RHOG: variants seen among roughly 807,000 people sequenced by gnomAD.
RHOG encodes the protein rho-related GTP-binding protein RhoG.
In RHOG, 1 loss-of-function variant was observed where a neutral mutation model predicts 12.3. That is an observed-to-expected ratio of 0.08 (90% CI 0.03 to 0.39). RHOG has a LOEUF of 0.39. Among genes scored for constraint, RHOG ranks in the 10% least tolerant of loss-of-function variants. The pLI is 0.99. For missense variants in RHOG, 114 were observed against 266.2 expected, an observed-to-expected ratio of 0.43 and a Z score of 3.98; for synonymous variants, 129 against 116.0, an observed-to-expected ratio of 1.11 and a Z score of -0.72.
At chr11:3,833,361 C>A (rs185425631) in intron 1 of RHOG, among the ~76,000 whole-genome samples, 8 of 152,314 alleles carry the variant, frequency 5.3e-5, no homozygotes, top group Non-Finnish European at 7.4e-5. Context: ...CTCAAGTGAT[C>A]CTCCTGACTA....
At chr11:3,838,406 A>T (rs2090168979) in intron 1 of RHOG, among the ~76,000 whole-genome samples, 1 of 152,180 alleles carries the variant, frequency 6.6e-6, no homozygotes, top group East Asian at 1.9e-4. Context: ...TCAGTTACGC[A>T]GAATACTAAA....
intron 1 of RHOG, among the ~76,000 whole-genome samples, chr11:3,840,017 T>C (rs1022309087): frequency 1.3e-5 from 2 of 151,996 alleles, no homozygotes; most frequent in African/African-American, 4.8e-5. Context: ...GGGTAGAAAC[T>C]AAAGAAGGTG....
intron 1 of RHOG, among the ~76,000 whole-genome samples, chr11:3,829,249 A>ATTTTTTTTTTTTTTT: frequency 1.1e-5 from 1 of 92,724 alleles, no homozygotes; most frequent in Non-Finnish European, 2.5e-5. Flanking sequence ...CAATGGGGAA[A>ATTTTTTTTTTTTTTT]TTTTTTTTTT....
At chr11:3,830,116 T>A (rs1208711046) in intron 1 of RHOG, among the ~76,000 whole-genome samples, 2 of 152,176 alleles carry the variant, frequency 1.3e-5, no homozygotes, top group Non-Finnish European at 2.9e-5. Context: ...GACTTTCCCC[T>A]CAATCTTCTG....
At chr11:3,834,973 C>T (rs1360273796) in intron 1 of RHOG, among the ~76,000 whole-genome samples, 1 of 152,178 alleles carries the variant, frequency 6.6e-6, no homozygotes, top group Non-Finnish European at 1.5e-5. Context: ...TATTCTCTTC[C>T]GTAAAATACA....
At position 3,827,879 on chromosome 11, in the gene RHOG, G is replaced by A; in HGVS notation, c.260C>T (p.Pro87Leu). The A allele has an allele frequency of 3.7e-6, 6 of 1,614,254 alleles. No homozygotes were observed. Among genetic ancestry groups the A allele is most frequent in the Non-Finnish European group, 5.1e-6 (6 of 1,180,046 alleles). The change falls in exon 2 of 2, where the codon CCG becomes CTG. Residue 87 changes from proline to leucine, a missense_variant. By Grantham distance (98) the Pro-to-Leu change is moderately conservative. Around this residue, in one of 2 missense-constraint regions of RHOG, gnomAD observed 53 missense variants for 164.8 expected, o/e 0.32. Transcript: ENST00000351018. This position sits in a 1 kb window ranked among gnomAD's most constrained non-coding sequence, Gnocchi z 7.3. ...GTGCCGCACGTTCTCATAGGACGGC[G>A]GACTGGCAATGGAGAAACAGATGAC... ...VFVICFSIAS[P>L]PSYENVRHKW...
chr11:3,838,344 G>T (rs1307667563), intron 1 of RHOG, among the ~76,000 whole-genome samples: 1 of 152,248 alleles, frequency 6.6e-6, no homozygotes, highest in Non-Finnish European at 1.5e-5. Flanking sequence ...TCACCTGGGA[G>T]AATCCCTGTC....
intron 1 of RHOG, among the ~76,000 whole-genome samples, chr11:3,835,274 C>A (rs1195930279): frequency 6.6e-6 from 1 of 152,160 alleles, no homozygotes; most frequent in Non-Finnish European, 1.5e-5. Flanking sequence ...GGGAGTTCCT[C>A]TTCCTGGAAT....
rs1388458890 is a variant in RHOG, at chr11:3,828,088, C to T, written c.51G>A (p.Thr17=). 3 of 1,614,218 alleles carry T rather than the reference C, an allele frequency of 1.9e-6. No homozygotes were observed. The highest frequency in any genetic ancestry group is 2.2e-5 in the East Asian group (1 of 44,882). The change falls in exon 2 of 2, where the codon ACG becomes ACA. Residue 17 remains threonine, a synonymous_variant. Transcript: ENST00000351018. ...TAGTTGTGTAGCAGATGAGCAGGCA[C>T]GTCTTGCCCACAGCCCCATCACCCA... ...VVVGDGAVGK[T]CLLICYTTNA...
At chr11:3,832,316 G>A (rs2090134643) in intron 1 of RHOG, among the ~76,000 whole-genome samples, 1 of 152,174 alleles carries the variant, frequency 6.6e-6, no homozygotes, top group Non-Finnish European at 1.5e-5. Context: ...GTTAGTGTGG[G>A]AGCCAGAACA....
intron 1 of RHOG, among the ~76,000 whole-genome samples, chr11:3,835,815 G>C (rs113087943): frequency 3.6e-4 from 55 of 152,246 alleles, no homozygotes; most frequent in African/African-American, 1.3e-3. Flanking sequence ...GGCACTGTTG[G>C]AAACACTTCC....
intron 1 of RHOG, among the ~76,000 whole-genome samples, chr11:3,839,905 C>T (rs2090180615): frequency 6.6e-6 from 1 of 151,976 alleles, no homozygotes; most frequent in Non-Finnish European, 1.5e-5. Context: ...CCAAGACGAA[C>T]ATGGGGCAGG....
At chr11:3,836,634 C>G (rs2090158312) in intron 1 of RHOG, among the ~76,000 whole-genome samples, 1 of 151,698 alleles carries the variant, frequency 6.6e-6, no homozygotes, top group East Asian at 1.9e-4. Flanking sequence ...CATGGTGGCT[C>G]ACATCTGTAA....
At chr11:3,834,158 A>G (rs1301076197) in intron 1 of RHOG, among the ~76,000 whole-genome samples, 1 of 152,182 alleles carries the variant, frequency 6.6e-6, no homozygotes, top group Non-Finnish European at 1.5e-5. Context: ...CCTGGCCTCA[A>G]GTGATCCACC....
chr11:3,836,901 TCAAAA>T (rs2090160719), intron 1 of RHOG, among the ~76,000 whole-genome samples: 1 of 28,320 alleles, frequency 3.5e-5, no homozygotes, highest in African/African-American at 2.4e-4. Context: ...AGACTCCATC[TCAAAA>T]AAAAAAAAAA....
intron 1 of RHOG, among the ~76,000 whole-genome samples, chr11:3,829,685 G>A (rs1428639823): frequency 1.3e-5 from 2 of 152,162 alleles, no homozygotes; most frequent in African/African-American, 2.4e-5. Flanking sequence ...TATGATGAAT[G>A]AGGTAGAGGC....
At chr11:3,839,602 A>AACAC (rs112483411) in intron 1 of RHOG, among the ~76,000 whole-genome samples, 4,628 of 141,660 alleles carry the variant, frequency 0.033, 97 homozygotes, top group Middle Eastern at 0.039. Context: ...CACACACGCA[A>AACAC]ACACACACAC....
At chr11:3,829,200 C>A (rs2090111338) in intron 1 of RHOG, among the ~76,000 whole-genome samples, 1 of 151,400 alleles carries the variant, frequency 6.6e-6, no homozygotes, top group Non-Finnish European at 1.5e-5. Flanking sequence ...GGGCTCAATT[C>A]TTTAGAGAGC....
intron 1 of RHOG, chr11:3,830,660 A>AAT (rs2090122003): frequency 6.8e-6 from 1 of 146,572 alleles, no homozygotes; most frequent in African/African-American, 2.6e-5. Flanking sequence ...TGTCTCAAAA[A>AAT]AAAAAAAATA....
Sources: gnomAD v4.1 joint callset for allele counts (sites outside exome capture counted in the v4.1 genomes callset) on GRCh38, gnomAD v4.1.1 for gene constraint, gnomAD v4.1.1 regional missense constraint, Gnocchi (gnomAD v3.1) non-coding constraint, MANE v1.5 for transcripts, NCBI Gene and HGNC (gene_info 2026-07-23, HGNC 2026-07-21) for gene names.